The following TAFA2 variants were observed in gnomAD, a reference collection of about 807,000 sequenced individuals.
The protein encoded by TAFA2 is TAFA chemokine like family member 2, also known as chemokine-like protein TAFA-2.
A neutral mutation model predicts 18.8 loss-of-function variants in TAFA2; 7 were observed. The observed-to-expected ratio is 0.37, with a 90% CI of 0.21 to 0.70. TAFA2 has a LOEUF of 0.70. TAFA2 is among the 30% of genes least tolerant of loss of function. TAFA2 has a pLI of 0.53. For synonymous variants in TAFA2, 60 were observed against 54.2 expected (o/e 1.11, Z -0.47); for missense variants, 122 against 158.1 (o/e 0.77, Z 1.23).
chr12:62,067,337 T>C (rs1368090961), intron 1 of TAFA2, among the ~76,000 whole-genome samples: 1 of 152,092 alleles, frequency 6.6e-6, no homozygotes, highest in African/African-American at 2.4e-5. Flanking sequence ...CATTTGTTCA[T>C]TTTTGCTTTG....
chr12:62,043,242 A>AGAAAAT (rs1161663984), intron 1 of TAFA2, among the ~76,000 whole-genome samples: 1 of 152,230 alleles, frequency 6.6e-6, no homozygotes, highest in Non-Finnish European at 1.5e-5. Context: ...GACTAGATTA[A>AGAAAAT]GAAAATGTGG....
intron 1 of TAFA2, among the ~76,000 whole-genome samples, chr12:62,241,651 C>T (rs1035000613): frequency 6.6e-6 from 1 of 152,112 alleles, no homozygotes; most frequent in African/African-American, 2.4e-5. Context: ...CTTGAATAAA[C>T]CCTTGAAGAT....
At chr12:62,169,082 CATT>C (rs759164257) in intron 1 of TAFA2, among the ~76,000 whole-genome samples, 3 of 152,086 alleles carry the variant, frequency 2.0e-5, no homozygotes, top group Non-Finnish European at 4.4e-5. Context: ...GGTGTGATGA[CATT>C]ATTGTGGTTA....
intron 1 of TAFA2, among the ~76,000 whole-genome samples, chr12:62,000,087 T>C (rs1239611813): frequency 6.6e-6 from 1 of 152,210 alleles, no homozygotes; most frequent in African/African-American, 2.4e-5. Flanking sequence ...TTAAGATCAA[T>C]GTCATTTTCC....
intron 1 of TAFA2, among the ~76,000 whole-genome samples, chr12:62,060,717 A>G (rs1249850148): frequency 6.6e-6 from 1 of 152,156 alleles, no homozygotes; most frequent in Admixed American, 6.5e-5. Flanking sequence ...GTGGGACAAG[A>G]TATGGAGGCT....
In TAFA2 at chr12:61,953,243, A is replaced by G. The variant is rs138950252; in HGVS notation, c.-1-85817T>C. Among the ~76,000 whole-genome samples, 409 of 152,136 alleles carry G rather than the reference A, an allele frequency of 2.7e-3. 3 individuals are homozygous for G. Among genetic ancestry groups the G allele is most frequent in the African/African-American group, 9.2e-3 (380 of 41,510 alleles). On this transcript the variant is annotated intron_variant, in intron 1 of 4. Transcript: ENST00000416284. Reference sequence around the variant, plus strand: ...CACTCCCCTTAAAAAAAACCCAAAAACATAACTTTGTAGTATTATCATCCA... The same window carrying G: ...CACTCCCCTTAAAAAAAACCCAAAAGCATAACTTTGTAGTATTATCATCCA...
intron 4 of TAFA2, among the ~76,000 whole-genome samples, chr12:61,714,494 C>T (rs1869557800): frequency 6.6e-6 from 1 of 152,170 alleles, no homozygotes; most frequent in Admixed American, 6.5e-5. Context: ...AAGGCACCCA[C>T]TTATCACAGG....
intron 1 of TAFA2, among the ~76,000 whole-genome samples, chr12:62,059,139 A>ATGTGTG (rs374882700): frequency 0.059 from 8,077 of 136,210 alleles, 269 homozygotes; most frequent in South Asian, 0.068. Context: ...ATGTGTGTAT[A>ATGTGTG]TGTGTGTGTG....
At chr12:62,093,994 A>G (rs566143820) in intron 1 of TAFA2, among the ~76,000 whole-genome samples, 1 of 152,170 alleles carries the variant, frequency 6.6e-6, no homozygotes, top group South Asian at 2.1e-4. Context: ...GTTAAAATGA[A>G]TGTAGCCTCC....
At chr12:62,019,989 T>C (rs1010947334) in intron 1 of TAFA2, among the ~76,000 whole-genome samples, 2 of 152,196 alleles carry the variant, frequency 1.3e-5, no homozygotes, top group Admixed American at 1.3e-4. Context: ...TACCTCACTA[T>C]AAATATTGAA....
At chr12:61,804,878 CA>C (rs1052224448) in intron 2 of TAFA2, among the ~76,000 whole-genome samples, 3 of 151,846 alleles carry the variant, frequency 2.0e-5, no homozygotes, top group Non-Finnish European at 2.9e-5. Context: ...AATCATGACC[CA>C]AAATAAGAAA....
At chr12:62,082,186 G>C (rs1868335303) in intron 1 of TAFA2, among the ~76,000 whole-genome samples, 1 of 152,078 alleles carries the variant, frequency 6.6e-6, no homozygotes, top group Admixed American at 6.6e-5. Flanking sequence ...CTTTTATCCA[G>C]ACTATCATTG....
At chr12:62,017,377 G>A (rs567469477) in intron 1 of TAFA2, among the ~76,000 whole-genome samples, 2 of 152,198 alleles carry the variant, frequency 1.3e-5, no homozygotes, top group South Asian at 2.1e-4. Context: ...TAAATAGTCT[G>A]AACTATTTGT....
At chr12:62,207,413 T>C (rs2062696658) in intron 1 of TAFA2, among the ~76,000 whole-genome samples, 1 of 152,166 alleles carries the variant, frequency 6.6e-6, no homozygotes, top group South Asian at 2.1e-4. Flanking sequence ...CCAAGTGGTT[T>C]CTGGAAATCT....
chr12:61,854,066 T>C (rs1873787516), intron 2 of TAFA2, among the ~76,000 whole-genome samples: 1 of 152,120 alleles, frequency 6.6e-6, no homozygotes, highest in South Asian at 2.1e-4. Context: ...TTACAAGAGA[T>C]TTCAGAGTAG....
chr12:61,828,690 G>T (rs1461384784), intron 2 of TAFA2, among the ~76,000 whole-genome samples: 1 of 151,724 alleles, frequency 6.6e-6, no homozygotes, highest in African/African-American at 2.4e-5. Context: ...ACCAATTTTT[G>T]AATCAAACTG....
At chr12:62,204,329 C>T (rs1163784961) in intron 1 of TAFA2, among the ~76,000 whole-genome samples, 1 of 152,036 alleles carries the variant, frequency 6.6e-6, no homozygotes, top group Non-Finnish European at 1.5e-5. Flanking sequence ...GGTTGATCTC[C>T]TCATGGAGTA....
chr12:62,017,833 T>C (rs1209170186), intron 1 of TAFA2, among the ~76,000 whole-genome samples: 1 of 152,176 alleles, frequency 6.6e-6, no homozygotes, highest in Non-Finnish European at 1.5e-5. Context: ...GCAGCCAATA[T>C]TCAGGCATTC....
intron 4 of TAFA2, among the ~76,000 whole-genome samples, chr12:61,713,125 C>T (rs982646888): frequency 2.0e-5 from 3 of 152,140 alleles, no homozygotes; most frequent in Admixed American, 1.3e-4. Flanking sequence ...TTTCTCTGTA[C>T]ATCATAAACT....
Sources: gnomAD v4.1 joint callset for allele counts (sites outside exome capture counted in the v4.1 genomes callset) on GRCh38, gnomAD v4.1.1 for gene constraint, MANE v1.5 for transcripts, NCBI Gene and HGNC (gene_info 2026-07-23, HGNC 2026-07-21) for gene names.